ARHGEF38: variants seen among roughly 807,000 people sequenced by gnomAD.
ARHGEF38 encodes the protein Rho guanine nucleotide exchange factor (GEF) 38.
Under a neutral mutation model 79.9 loss-of-function variants are expected in ARHGEF38, and 79 were observed. The ratio of observed to expected loss-of-function variants is 0.99; its 90% CI spans 0.82 to 1.19. ARHGEF38 has a LOEUF of 1.19. Ranked by LOEUF, ARHGEF38 falls within the 50% of genes most tolerant of loss-of-function variation. ARHGEF38 has a pLI of 0.00. For missense variants in ARHGEF38, 962 were observed against 907.2 expected, an observed-to-expected ratio of 1.06 and a Z score of -0.78; for synonymous variants, 366 against 328.3, an observed-to-expected ratio of 1.11 and a Z score of -1.24.
chr4:105,599,330 G>A (rs569334984), intron 2 of ARHGEF38, among the ~76,000 whole-genome samples: 3 of 152,070 alleles, frequency 2.0e-5, no homozygotes, highest in African/African-American at 2.4e-5. Context: ...AGTCCAGATC[G>A]ATCAGAATCT....
intron 3 of ARHGEF38, among the ~76,000 whole-genome samples, chr4:105,624,284 A>G (rs577630070): frequency 1.3e-5 from 2 of 152,324 alleles, no homozygotes; most frequent in South Asian, 2.1e-4. Context: ...AAGCCTCAGG[A>G]AGTGTGGAGT....
chr4:105,597,603 T>C (rs1001142341), intron 2 of ARHGEF38, among the ~76,000 whole-genome samples: 41 of 152,210 alleles, frequency 2.7e-4, no homozygotes, highest in African/African-American at 9.2e-4. Flanking sequence ...TCTCTAAAAC[T>C]CTGTCTCTTC....
rs551049756 is a variant in ARHGEF38, at chr4:105,643,140, T to TTTTCAGTATAAATACTGAAAACAG, written c.675-2045_675-2044insCAGTATAAATACTGAAAACAGTTT. 2.0e-3 allele frequency among the ~76,000 whole-genome samples: 304 copies of TTTTCAGTATAAATACTGAAAACAG among 151,816 alleles called. 2 individuals are homozygous for TTTTCAGTATAAATACTGAAAACAG. The highest frequency in any genetic ancestry group is 7.1e-3 in the African/African-American group (292 of 41,412). ...CTTTTGGGTTTTTTGTTAGTTTTTTTTTTTCAGTATAAATACTGAAAACAG... is the reference window on the plus strand; with the variant it reads ...CTTTTGGGTTTTTTGTTAGTTTTTTTTTTCAGTATAAATACTGAAAACAGTTTTCAGTATAAATACTGAAAACAG... On this transcript the variant is annotated intron_variant, in intron 5 of 13. Transcript: ENST00000420470.
intron 2 of ARHGEF38, among the ~76,000 whole-genome samples, chr4:105,608,054 T>C (rs1223609542): frequency 6.6e-6 from 1 of 152,144 alleles, no homozygotes; most frequent in Non-Finnish European, 1.5e-5. Context: ...CAGATCAAGA[T>C]GCCAGCAGAT....
chr4:105,629,123 C>G (rs1411444159), intron 3 of ARHGEF38, among the ~76,000 whole-genome samples: 2 of 152,092 alleles, frequency 1.3e-5, no homozygotes, highest in Non-Finnish European at 2.9e-5. Context: ...ACCCTAAAAG[C>G]TACTAAAATT....
chr4:105,653,377 C>T (rs562482531), intron 7 of ARHGEF38, among the ~76,000 whole-genome samples: 8 of 148,348 alleles, frequency 5.4e-5, no homozygotes, highest in Non-Finnish European at 1.0e-4. Context: ...GGTTGTAGTG[C>T]AATGGCATGA....
chr4:105,593,041 A>G (rs950858580), intron 2 of ARHGEF38, among the ~76,000 whole-genome samples: 1 of 152,150 alleles, frequency 6.6e-6, no homozygotes, highest in Non-Finnish European at 1.5e-5. Context: ...TACTATCTTA[A>G]AAACCAAAAT....
intron 5 of ARHGEF38, among the ~76,000 whole-genome samples, chr4:105,641,283 A>G (rs1032651844): frequency 6.6e-6 from 1 of 152,074 alleles, no homozygotes; most frequent in Non-Finnish European, 1.5e-5. Context: ...CTCATTCCCT[A>G]TTTCCATGGG....
intron 10 of ARHGEF38, among the ~76,000 whole-genome samples, chr4:105,665,075 G>T (rs897034814): frequency 6.6e-6 from 1 of 152,046 alleles, no homozygotes; most frequent in Non-Finnish European, 1.5e-5. Context: ...AGAGCTCACT[G>T]CAGCCTCAAC....
intron 2 of ARHGEF38, among the ~76,000 whole-genome samples, chr4:105,611,988 C>T (rs1476497023): frequency 2.6e-5 from 4 of 151,984 alleles, no homozygotes; most frequent in Non-Finnish European, 5.9e-5. Flanking sequence ...TACAGCAAGA[C>T]CATATTGCAT....
At chr4:105,633,577 A>G (rs1207778247) in intron 4 of ARHGEF38, among the ~76,000 whole-genome samples, 5 of 152,184 alleles carry the variant, frequency 3.3e-5, no homozygotes, top group Admixed American at 2.0e-4. Flanking sequence ...GCAAGGGGAT[A>G]TTGGAAATCT....
At chr4:105,585,207 T>G (rs1315710602) in intron 1 of ARHGEF38, among the ~76,000 whole-genome samples, 1 of 152,226 alleles carries the variant, frequency 6.6e-6, no homozygotes, top group Admixed American at 6.5e-5. Context: ...ACATTTGTAT[T>G]GTTTTAAAGA....
At chr4:105,609,908 G>A (rs888673643) in intron 2 of ARHGEF38, among the ~76,000 whole-genome samples, 1 of 152,022 alleles carries the variant, frequency 6.6e-6, no homozygotes. Flanking sequence ...ACATGCACAC[G>A]TATGTTTACT....
chr4:105,606,228 C>T (rs1728035003), intron 2 of ARHGEF38, among the ~76,000 whole-genome samples: 1 of 152,096 alleles, frequency 6.6e-6, no homozygotes, highest in South Asian at 2.1e-4. Context: ...TACTGCAAAA[C>T]TACACCAAAT....
chr4:105,561,010 TA>T (rs1725493148), intron 1 of ARHGEF38, among the ~76,000 whole-genome samples: 2 of 152,172 alleles, frequency 1.3e-5, no homozygotes, highest in African/African-American at 2.4e-5. Context: ...AGCAATTTAC[TA>T]TATTTAGCTG....
intron 3 of ARHGEF38, among the ~76,000 whole-genome samples, chr4:105,618,330 T>C (rs1376921287): frequency 6.6e-6 from 1 of 152,178 alleles, no homozygotes; most frequent in African/African-American, 2.4e-5. Context: ...TTACAGATTT[T>C]AATTAATAAA....
intron 1 of ARHGEF38, among the ~76,000 whole-genome samples, chr4:105,555,350 A>T (rs573054748): frequency 6.6e-6 from 1 of 152,156 alleles, no homozygotes. Context: ...CGAACGCCTA[A>T]TAGAGCTTTT....
intron 1 of ARHGEF38, among the ~76,000 whole-genome samples, chr4:105,563,043 G>C (rs1394905910): frequency 6.6e-6 from 1 of 152,124 alleles, no homozygotes; most frequent in Non-Finnish European, 1.5e-5. Flanking sequence ...GAAAAGGCAT[G>C]GCCTGAGAGG....
chr4:105,668,671 TA>T (rs201104128), intron 13 of ARHGEF38, among the ~76,000 whole-genome samples: 251 of 123,260 alleles, frequency 2.0e-3, no homozygotes, highest in Middle Eastern at 0.014. Context: ...TGTAGATAGA[TA>T]GATAGATAGA....
Sources: gnomAD v4.1 joint callset for allele counts (sites outside exome capture counted in the v4.1 genomes callset) on GRCh38, gnomAD v4.1.1 for gene constraint, MANE v1.5 for transcripts, NCBI Gene and HGNC (gene_info 2026-07-23, HGNC 2026-07-21) for gene names.